Variants in PCDH11X observed in about 807,000 individuals in gnomAD.
The protein encoded by PCDH11X is protocadherin 11 X-linked.
PCDH11X carries 18 observed loss-of-function variants against 53.3 expected under a neutral mutation model. That is an observed-to-expected ratio of 0.34 (90% CI 0.23 to 0.50). The LOEUF is 0.50. Among genes scored for constraint, PCDH11X ranks in the 20% least tolerant of loss-of-function variants. PCDH11X has a pLI of 0.98. For synonymous variants in PCDH11X, 279 were observed against 393.3 expected (o/e 0.71, Z 3.44); for missense variants, 570 against 1,032.4 (o/e 0.55, Z 6.14).
At chrX:91,978,842 C>T (rs1285945123) in intron 6 of PCDH11X, among the ~76,000 whole-genome samples, 3 of 112,354 alleles carry the variant, frequency 2.7e-5, no homozygotes, top group East Asian at 5.6e-4. Flanking sequence ...ACAGCAGCTG[C>T]TATCATTTTT....
At chrX:92,086,479 T>C (rs1293703870) in intron 6 of PCDH11X, among the ~76,000 whole-genome samples, 1 of 111,096 alleles carries the variant, frequency 9.0e-6, no homozygotes, top group Non-Finnish European at 1.9e-5. Context: ...GCAGAAATGG[T>C]AATAACTGCC....
intron 8 of PCDH11X, among the ~76,000 whole-genome samples, chrX:92,290,586 T>C (rs948165508): frequency 9.8e-5 from 11 of 112,369 alleles, no homozygotes; most frequent in African/African-American, 3.6e-4. Context: ...TTGAAGAAAT[T>C]ATCCTCTTAT....
rs375336299 is a variant in PCDH11X at position 92,085,230 on chromosome X, C to T, written c.3034-116145C>T. 6.7e-4 allele frequency among the ~76,000 whole-genome samples: 74 copies of T among 110,627 alleles called. 2 individuals are homozygous for T. The South Asian group carries it at 0.011, about 17-fold the overall frequency. ...TGTGTCTTGTGATTGGCTGAAACTT[C>T]GCTCTTTGCTACAAAATATACATCT... is the stretch of plus-strand genomic sequence containing the variant. On this transcript the variant is annotated intron_variant, in intron 6 of 10. Transcript: ENST00000682573.
chrX:92,287,935 C>T (rs1420164528), intron 8 of PCDH11X: 12 of 510,695 alleles, frequency 2.3e-5, no homozygotes, highest in Admixed American at 1.1e-4. Flanking sequence ...CTTTCCCCTT[C>T]ACTCTCTCTC....
rs746739337 is a variant in PCDH11X at position 92,293,460 on chromosome X, A to T, written c.3144+30317A>T. ...TAACACAGTGAAACCCCGCCTCTACAAAAAATACAAAAAATTAGCCGGGCG... is the reference window on the plus strand; with the variant it reads ...TAACACAGTGAAACCCCGCCTCTACTAAAAATACAAAAAATTAGCCGGGCG... On this transcript the variant is annotated intron_variant, in intron 8 of 10. Coordinates refer to ENST00000682573, the MANE Select transcript of PCDH11X (RefSeq NM_032968.5). Among the ~76,000 whole-genome samples, 70 of 109,194 alleles carry T rather than the reference A, an allele frequency of 6.4e-4. No individual in the cohort carries two copies. The Admixed American group carries it at 6.6e-3, about 10-fold the overall frequency. 94.8% of individuals were successfully genotyped at this position (109,194 alleles called of 115,157 possible). A position where few individuals can be genotyped will look rare whatever the true frequency, so the allele number is the denominator to read the frequency against.
At chrX:92,472,370 C>CTTTTT (rs750331340) in intron 10 of PCDH11X, among the ~76,000 whole-genome samples, 88 of 52,475 alleles carry the variant, frequency 1.7e-3, no homozygotes, top group Non-Finnish European at 2.1e-3. Context: ...TTCTTCAGAG[C>CTTTTT]TTTTTTTTTT....
chrX:92,426,105 C>T (rs1488614265), intron 9 of PCDH11X, among the ~76,000 whole-genome samples: 3 of 99,109 alleles, frequency 3.0e-5, no homozygotes, highest in Non-Finnish European at 4.0e-5. Context: ...AAATATTTTT[C>T]GGCGAACAAA....
chrX:92,284,097 C>T (rs1379717374), intron 8 of PCDH11X, among the ~76,000 whole-genome samples: 1 of 107,888 alleles, frequency 9.3e-6, no homozygotes. Context: ...TAAGACAGCA[C>T]CTGTGAATTC....
intron 10 of PCDH11X, among the ~76,000 whole-genome samples, chrX:92,552,839 T>A (rs984175226): frequency 4.5e-5 from 5 of 111,191 alleles, no homozygotes; most frequent in Non-Finnish European, 9.5e-5. Context: ...TCACATTGAT[T>A]GATTTTTGTG....
chrX:92,210,682 G>A (rs2066569206), intron 7 of PCDH11X, among the ~76,000 whole-genome samples: 1 of 111,879 alleles, frequency 8.9e-6, no homozygotes, highest in African/African-American at 3.2e-5. Context: ...CTTAGAAGCA[G>A]CCTGGTCACA....
chrX:91,904,554 G>A (rs1013487573), intron 6 of PCDH11X, among the ~76,000 whole-genome samples: 38 of 110,972 alleles, frequency 3.4e-4, no homozygotes, highest in African/African-American at 1.1e-3. Flanking sequence ...GAAAAATACA[G>A]ATGAATAAAG....
At chrX:91,809,138 GTCATTCACACT>G (rs1269520658) in intron 1 of PCDH11X, among the ~76,000 whole-genome samples, 6 of 109,449 alleles carry the variant, frequency 5.5e-5, no homozygotes, top group African/African-American at 2.0e-4. Context: ...AACTTCTTCA[GTCATTCACACT>G]TCAAAAGCTT....
intron 4 of PCDH11X, among the ~76,000 whole-genome samples, chrX:91,831,335 A>G (rs1937099452): frequency 9.4e-6 from 1 of 105,836 alleles, no homozygotes; most frequent in Non-Finnish European, 1.9e-5. Context: ...CAATTTCCAA[A>G]CTAACATTAA....
At chrX:92,471,174 A>G (rs2073255184) in intron 10 of PCDH11X, among the ~76,000 whole-genome samples, 1 of 98,950 alleles carries the variant, frequency 1.0e-5, no homozygotes, top group Admixed American at 1.1e-4. Context: ...AACTTGTGTC[A>G]TGGGGATTTG....
rs1438133296 is a variant in PCDH11X, at chrX:91,865,938, C to G, written c.541-10843C>G. ...TCCAGCACAGGTCCAGAAATGCTACCCAAGGGTCGTGTCCTGGAATTGAGG... is the reference window on the plus strand; with the variant it reads ...TCCAGCACAGGTCCAGAAATGCTACGCAAGGGTCGTGTCCTGGAATTGAGG... On this transcript the variant is annotated intron_variant, in intron 5 of 10. Coordinates refer to ENST00000682573, the MANE Select transcript of PCDH11X (RefSeq NM_032968.5). Among the ~76,000 whole-genome samples the G allele has an allele frequency of 4.6e-5, 5 of 109,809 alleles. No individual in the cohort carries two copies. In the Admixed American group the frequency reaches 4.9e-4, roughly 11 times the overall value.
intron 10 of PCDH11X, among the ~76,000 whole-genome samples, chrX:92,565,764 T>C (rs1374966870): frequency 9.5e-6 from 1 of 105,267 alleles, no homozygotes; most frequent in African/African-American, 3.4e-5. Flanking sequence ...AATTTAATTG[T>C]ACATTTTATA....
intron 6 of PCDH11X, among the ~76,000 whole-genome samples, chrX:92,141,393 G>A (rs1436209370): frequency 8.9e-6 from 1 of 111,789 alleles, no homozygotes; most frequent in African/African-American, 3.2e-5. Context: ...TAAGTACTTA[G>A]TTTATTTAGA....
chrX:92,157,731 A>G (rs1407885812), intron 6 of PCDH11X, among the ~76,000 whole-genome samples: 1 of 111,975 alleles, frequency 8.9e-6, no homozygotes, highest in Non-Finnish European at 1.9e-5. Context: ...ATTTAAACAC[A>G]TTTTATTCTT....
chrX:92,192,467 C>T (rs748370467), intron 6 of PCDH11X, among the ~76,000 whole-genome samples: 5 of 110,609 alleles, frequency 4.5e-5, no homozygotes, highest in Admixed American at 3.9e-4. Context: ...CTCAGCCTCC[C>T]GAGTAGCTGG....
Sources: gnomAD v4.1 joint callset for allele counts (sites outside exome capture counted in the v4.1 genomes callset) on GRCh38, gnomAD v4.1.1 for gene constraint, MANE v1.5 for transcripts, NCBI Gene and HGNC (gene_info 2026-07-23, HGNC 2026-07-21) for gene names.